The following DENND1A variants were observed in gnomAD, a reference collection of about 807,000 sequenced individuals.
DENND1A encodes the protein DENN domain containing 1A, also known as DENN domain-containing protein 1A.
Under a neutral mutation model 113.7 loss-of-function variants are expected in DENND1A, and 51 were observed. That is an observed-to-expected ratio of 0.45 (90% CI 0.36 to 0.57). DENND1A has a LOEUF of 0.57. Among genes scored for constraint, DENND1A ranks in the 20% least tolerant of loss-of-function variants. DENND1A has a pLI of 0.00. For synonymous variants in DENND1A, 565 were observed against 570.8 expected (o/e 0.99, Z 0.14); for missense variants, 1,258 against 1,395.9 (o/e 0.90, Z 1.57).
At chr9:123,384,580 T>A (rs1432034043) in intron 22 of DENND1A, among the ~76,000 whole-genome samples, 2 of 152,320 alleles carry the variant, frequency 1.3e-5, no homozygotes, top group Non-Finnish European at 2.9e-5. Context: ...ACAGCATCCA[T>A]CGCCCACCAG....
intron 5 of DENND1A, among the ~76,000 whole-genome samples, chr9:123,700,320 G>C (rs2065808153): frequency 6.6e-6 from 1 of 152,190 alleles, no homozygotes; most frequent in Non-Finnish European, 1.5e-5. Context: ...TGACTCTATA[G>C]ATCAATTTGG....
At chr9:123,653,497 T>G (rs1318487501) in intron 8 of DENND1A, among the ~76,000 whole-genome samples, 1 of 152,194 alleles carries the variant, frequency 6.6e-6, no homozygotes, top group African/African-American at 2.4e-5. Flanking sequence ...AAGATTCACA[T>G]CTATTATTAA....
chr9:123,787,546 T>C (rs1181805277), intron 3 of DENND1A, among the ~76,000 whole-genome samples: 5 of 152,202 alleles, frequency 3.3e-5, no homozygotes. Context: ...TGTGAATAAC[T>C]ATAAGCTTAA....
At chr9:123,773,295 C>A in intron 3 of DENND1A, among the ~76,000 whole-genome samples, 1 of 152,130 alleles carries the variant, frequency 6.6e-6, no homozygotes, top group East Asian at 1.9e-4. Flanking sequence ...ATGAAATTAA[C>A]ACACCTAACG....
chr9:123,499,141 C>T (rs2052230570), intron 13 of DENND1A, among the ~76,000 whole-genome samples: 1 of 152,154 alleles, frequency 6.6e-6, no homozygotes, highest in South Asian at 2.1e-4. Context: ...TCAAGCTATT[C>T]TCCCGCCTCA....
At chr9:123,757,651 A>G (rs1370320860) in intron 5 of DENND1A, 52 bp downstream of exon 5, 1 of 1,594,824 alleles carries the variant, frequency 6.3e-7, no homozygotes, top group Non-Finnish European at 8.6e-7. Flanking sequence ...AGCAATGCAG[A>G]AGCTGACATT....
intron 12 of DENND1A, among the ~76,000 whole-genome samples, chr9:123,559,892 A>G (rs2057640053): frequency 6.6e-6 from 1 of 152,202 alleles, no homozygotes; most frequent in Non-Finnish European, 1.5e-5. Context: ...CTGTCTCTAC[A>G]GGTTGGCCTA....
intron 19 of DENND1A, among the ~76,000 whole-genome samples, chr9:123,425,970 T>C (rs945966321): frequency 6.6e-6 from 1 of 152,138 alleles, no homozygotes; most frequent in African/African-American, 2.4e-5. Context: ...GGTGAACAAA[T>C]AAATACGAGG....
At chr9:123,688,118 G>C (rs1428270917) in intron 5 of DENND1A, among the ~76,000 whole-genome samples, 1 of 152,190 alleles carries the variant, frequency 6.6e-6, no homozygotes, top group Non-Finnish European at 1.5e-5. Context: ...TTTACTCATT[G>C]TAATTCTAGA....
At chr9:123,417,755 C>A (rs2131685424) in intron 19 of DENND1A, among the ~76,000 whole-genome samples, 1 of 152,308 alleles carries the variant, frequency 6.6e-6, no homozygotes, top group Admixed American at 6.5e-5. Flanking sequence ...AAAGGAGGCA[C>A]CTGATTCATT....
intron 2 of DENND1A, among the ~76,000 whole-genome samples, chr9:123,815,228 T>C (rs1448202368): frequency 6.6e-6 from 1 of 152,254 alleles, no homozygotes; most frequent in Non-Finnish European, 1.5e-5. Flanking sequence ...TGTCAGATGC[T>C]AATGCAACTG....
intron 19 of DENND1A, among the ~76,000 whole-genome samples, chr9:123,424,136 G>C (rs1025594222): frequency 3.3e-5 from 5 of 152,174 alleles, no homozygotes; most frequent in Non-Finnish European, 7.3e-5. Context: ...GGGACAGTGA[G>C]GGTTGGGGGA....
At chr9:123,873,766 G>A (rs192658533) in intron 2 of DENND1A, among the ~76,000 whole-genome samples, 234 of 148,894 alleles carry the variant, frequency 1.6e-3, no homozygotes, top group African/African-American at 5.0e-3. Flanking sequence ...TTTTTGAGAC[G>A]GAGTCTCACT....
intron 13 of DENND1A, among the ~76,000 whole-genome samples, chr9:123,501,827 C>T (rs2052512984): frequency 6.6e-6 from 1 of 152,212 alleles, no homozygotes; most frequent in Non-Finnish European, 1.5e-5. Flanking sequence ...CAGCCTACAT[C>T]TTTCTCTCGT....
At position 123,655,450 on chromosome 9, in the gene DENND1A, A is replaced by G. The variant is rs2062890461; in HGVS notation, c.508-3327T>C. On this transcript the variant is annotated intron_variant, in intron 8 of 23. Transcript: ENST00000394215. ...TGTGACTCCAGAAAACCTGGCTCTG[A>G]GCCAGATGAAGCAATTGATTACTCA... Among the ~76,000 whole-genome samples, 3 of 152,160 alleles carry G rather than the reference A, an allele frequency of 2.0e-5. No homozygotes were observed. The South Asian group carries it at 6.2e-4, about 32-fold the overall frequency.
chr9:123,856,805 C>T lies in DENND1A; in HGVS notation c.88+22146G>A, dbSNP rs1257786668. ...AATTGAGTTAAGGAAGACATCCACA[C>T]TGGGTAGGCATTGGTGGCAGCCATG... On this transcript the variant is annotated intron_variant, in intron 2 of 23. Transcript: ENST00000394215. Among the ~76,000 whole-genome samples, 72 of 152,050 alleles carry T rather than the reference C, an allele frequency of 4.7e-4. 2 individuals are homozygous for T. Among genetic ancestry groups the T allele is most frequent in the Admixed American group, 4.7e-3 (72 of 15,274 alleles).
intron 13 of DENND1A, among the ~76,000 whole-genome samples, chr9:123,475,558 T>C (rs561128075): frequency 3.9e-5 from 6 of 152,358 alleles, no homozygotes; most frequent in Non-Finnish European, 7.3e-5. Flanking sequence ...CGGGCTGCTC[T>C]GAGTGCACAT....
chr9:123,393,232 C>T (rs557483284), intron 21 of DENND1A, among the ~76,000 whole-genome samples: 3 of 152,222 alleles, frequency 2.0e-5, no homozygotes, highest in Admixed American at 2.0e-4. Context: ...TGTCCACATG[C>T]CACATTCACC....
intron 2 of DENND1A, among the ~76,000 whole-genome samples, chr9:123,820,311 G>A (rs1367768654): frequency 6.6e-6 from 1 of 152,196 alleles, no homozygotes; most frequent in Non-Finnish European, 1.5e-5. Context: ...GAATACAGCA[G>A]GAATTATGCC....
Sources: gnomAD v4.1 joint callset for allele counts (sites outside exome capture counted in the v4.1 genomes callset) on GRCh38, gnomAD v4.1.1 for gene constraint, MANE v1.5 for transcripts, NCBI Gene and HGNC (gene_info 2026-07-23, HGNC 2026-07-21) for gene names.